The following AIG1 variants were observed in gnomAD, a reference collection of about 807,000 sequenced individuals.
The protein encoded by AIG1 is androgen-induced gene 1 protein.
AIG1 carries 23 observed loss-of-function variants against 31.4 expected under a neutral mutation model. That is an observed-to-expected ratio of 0.73 (90% CI 0.53 to 1.04). The LOEUF is 1.04. Among genes scored for constraint, AIG1 ranks in the 50% least tolerant of loss-of-function variants. The pLI is 0.00. For missense variants in AIG1, 274 were observed against 295.0 expected (o/e 0.93, Z 0.52); for synonymous variants, 100 against 110.5 (o/e 0.90, Z 0.60).
chr6:143,104,540 T>C (rs1016765581), intron 1 of AIG1, among the ~76,000 whole-genome samples: 11 of 152,216 alleles, frequency 7.2e-5, no homozygotes, highest in Non-Finnish European at 1.6e-4. Flanking sequence ...CCTCTTAGCC[T>C]TTCCCAGGTG....
At chr6:143,263,741 GA>G (rs1426872258) in intron 3 of AIG1, among the ~76,000 whole-genome samples, 1 of 152,114 alleles carries the variant, frequency 6.6e-6, no homozygotes, top group African/African-American at 2.4e-5. Flanking sequence ...AAGTATTTTA[GA>G]TGTTTTTAAT....
At chr6:143,165,304 A>G in intron 3 of AIG1, 121 bp downstream of exon 3, 1 of 699,472 alleles carries the variant, frequency 1.4e-6, no homozygotes, top group Non-Finnish European at 2.4e-6. Context: ...GGAAGGTTAT[A>G]ATGGGAGATT....
intron 2 of AIG1, chr6:143,164,860 G>A: frequency 2.5e-6 from 1 of 406,684 alleles, no homozygotes; most frequent in Non-Finnish European, 4.5e-6. Flanking sequence ...CCCTTTGCCT[G>A]AAAGAACACC....
rs547775114 is a variant in AIG1, at chr6:143,329,062, C to T, written c.516-4220C>T. On this transcript the variant is annotated intron_variant, in intron 4 of 5. Transcript: ENST00000357847. This position sits in a 1 kb window ranked among gnomAD's most constrained non-coding sequence, Gnocchi z 4.9. ...AAGGAAACAAATGGTGAAAGCACAA[C>T]TTGTTAAGACAAGTGGATGCATCAT... 7.2e-5 allele frequency among the ~76,000 whole-genome samples: 11 copies of T among 152,206 alleles called. No individual in the cohort carries two copies. The highest frequency in any genetic ancestry group is 1.5e-4 in the Non-Finnish European group (10 of 68,046).
chr6:143,328,625 A>T lies in AIG1; in HGVS notation c.516-4657A>T, dbSNP rs892709023. Among the ~76,000 whole-genome samples, 1 of 152,172 alleles carries T rather than the reference A, an allele frequency of 6.6e-6. No homozygotes were observed. The highest frequency in any genetic ancestry group is 1.9e-4 in the East Asian group (1 of 5,202). On this transcript the variant is annotated intron_variant, in intron 4 of 5. Coordinates refer to ENST00000357847, the MANE Select transcript of AIG1 (RefSeq NM_016108.4). This position sits in a 1 kb window ranked among gnomAD's most constrained non-coding sequence, Gnocchi z 4.0. ...ACTTTTTTTCATCGATGCATTATAG[A>T]TGTACACAGTTTCAAGGTATATGTG...
At position 143,293,582 on chromosome 6, in the gene AIG1, GC is replaced by G. The variant is rs575420731; in HGVS notation, c.515+9358del. Among the ~76,000 whole-genome samples the G allele has an allele frequency of 6.6e-6, 1 of 152,266 alleles. No individual in the cohort carries two copies. The highest frequency in any genetic ancestry group is 2.1e-4 in the South Asian group (1 of 4,818). ...TTGGTCAAATCAGCTTCTTAGACCT[GC>G]ATCTGGACAGAAAAGGCTTGTGTAT... On this transcript the variant is annotated intron_variant, in intron 4 of 5. Transcript: ENST00000357847. This position sits in a 1 kb window ranked among gnomAD's most constrained non-coding sequence, Gnocchi z 4.8.
At chr6:143,059,530 A>G (rs1776085686), upstream of AIG1, among the ~76,000 whole-genome samples, 2 of 152,196 alleles carry the variant, frequency 1.3e-5, no homozygotes, top group South Asian at 4.1e-4. Flanking sequence ...AGATTTAACC[A>G]AAAATCATCA....
intron 5 of AIG1, chr6:143,337,833 C>G (rs962761385): frequency 5.0e-6 from 2 of 396,090 alleles, no homozygotes; most frequent in Non-Finnish European, 8.9e-6. Context: ...CCTCAGCGCC[C>G]TGCAGTCTTG....
chr6:143,080,328 C>G (rs1778122036), intron 1 of AIG1, among the ~76,000 whole-genome samples: 1 of 152,138 alleles, frequency 6.6e-6, no homozygotes, highest in South Asian at 2.1e-4. Flanking sequence ...TAGTCATGGA[C>G]TGCATCTGGG....
chr6:143,134,753 G>A (rs529815173), intron 1 of AIG1, among the ~76,000 whole-genome samples: 47 of 152,046 alleles, frequency 3.1e-4, no homozygotes, highest in African/African-American at 1.1e-3. Flanking sequence ...CATACTTTGA[G>A]TACTCATGAA....
At chr6:143,079,109 A>G (rs997188810) in intron 1 of AIG1, among the ~76,000 whole-genome samples, 1 of 152,120 alleles carries the variant, frequency 6.6e-6, no homozygotes, top group East Asian at 1.9e-4. Context: ...AGGAAAAACA[A>G]AACAAAACAA....
chr6:143,099,046 A>G (rs1780030495), intron 1 of AIG1, among the ~76,000 whole-genome samples: 1 of 152,214 alleles, frequency 6.6e-6, no homozygotes, highest in Admixed American at 6.5e-5. Flanking sequence ...TAATAATTTT[A>G]ACTTTAACTT....
chr6:143,157,966 T>A (rs1448747862), intron 2 of AIG1, among the ~76,000 whole-genome samples: 2 of 152,202 alleles, frequency 1.3e-5, no homozygotes, highest in African/African-American at 2.4e-5. Flanking sequence ...AGCCAGCTAT[T>A]TGTGAAAGGA....
intron 3 of AIG1, among the ~76,000 whole-genome samples, chr6:143,240,210 A>G (rs1369877412): frequency 6.6e-6 from 1 of 152,210 alleles, no homozygotes; most frequent in Non-Finnish European, 1.5e-5. Context: ...CAGAATAGGA[A>G]TGAAAATAGT....
At chr6:143,110,672 C>T (rs1318861747) in intron 1 of AIG1, among the ~76,000 whole-genome samples, 10 of 152,080 alleles carry the variant, frequency 6.6e-5, no homozygotes, top group Admixed American at 5.9e-4. Context: ...TGCCCTTGAA[C>T]CTTGAGGAGG....
intron 3 of AIG1, among the ~76,000 whole-genome samples, chr6:143,182,211 T>G (rs1287035904): frequency 6.6e-6 from 1 of 152,054 alleles, no homozygotes; most frequent in African/African-American, 2.4e-5. Context: ...GTTTAAAATT[T>G]TTTGTAGAGC....
chr6:143,148,109 C>T (rs746287775), intron 2 of AIG1, among the ~76,000 whole-genome samples: 1 of 152,096 alleles, frequency 6.6e-6, no homozygotes, highest in South Asian at 2.1e-4. Context: ...CTCCAACTAA[C>T]GGAGTGCTTG....
chr6:143,163,908 C>A (rs763099003), intron 2 of AIG1, among the ~76,000 whole-genome samples: 40 of 152,248 alleles, frequency 2.6e-4, no homozygotes, highest in South Asian at 8.3e-4. Context: ...ATCCCTGTTA[C>A]ATGTCTCAGG....
chr6:143,164,935 G>C (rs1786781356), intron 2 of AIG1, 147 bp from the exon 3 acceptor site: 2 of 606,004 alleles, frequency 3.3e-6, no homozygotes, highest in Non-Finnish European at 5.9e-6. Flanking sequence ...AGCTAGACCT[G>C]TGTTTCCAAT....
Sources: gnomAD v4.1 joint callset for allele counts (sites outside exome capture counted in the v4.1 genomes callset) on GRCh38, gnomAD v4.1.1 for gene constraint, Gnocchi (gnomAD v3.1) non-coding constraint, MANE v1.5 for transcripts, NCBI Gene and HGNC (gene_info 2026-07-23, HGNC 2026-07-21) for gene names.